Variants in ANKRD62 observed in about 807,000 individuals in gnomAD.
The protein encoded by ANKRD62 is ankyrin repeat domain-containing protein 62.
In ANKRD62, 61 loss-of-function variants were observed where a neutral mutation model predicts 98.8. The ratio of observed to expected loss-of-function variants is 0.62; its 90% CI spans 0.50 to 0.76. ANKRD62 has a LOEUF of 0.76. Ranked by LOEUF, ANKRD62 falls within the 30% of genes least tolerant of loss-of-function variation. The pLI is 0.00. For synonymous variants in ANKRD62, 341 were observed against 367.9 expected (o/e 0.93, Z 0.84); for missense variants, 933 against 1,082.9 (o/e 0.86, Z 1.94).
At chr18:12,159,408 A>T in the ANKRD62 span, among the ~76,000 whole-genome samples, 1 of 152,228 alleles carries the variant, frequency 6.6e-6, no homozygotes, top group Non-Finnish European at 1.5e-5. Context: ...TAACAAATTG[A>T]CATGCATTAG....
At position 12,125,900 on chromosome 18, in the gene ANKRD62, A is replaced by G. The variant is rs536025249; in HGVS notation, c.2079A>G (p.Glu693=). 22 of 1,541,678 alleles carry G rather than the reference A, an allele frequency of 1.4e-5. No homozygotes were observed. In the South Asian group the frequency reaches 2.5e-4, roughly 18 times the overall value. The change falls in exon 13 of 14, where the codon GAA becomes GAG. Residue 693 remains glutamate (E), a synonymous_variant. Transcript: ENST00000587848. ...STVNEWCHLQ[E]DTNSHIQILS... is the part of the protein sequence containing the mutation. ...TGAATGAATGGTGTCATTTACAAGA[A>G]GACACTAATTCTCACATTCAGATTC...
chr18:12,152,548 A>G, the ANKRD62 span, among the ~76,000 whole-genome samples: 1 of 152,186 alleles, frequency 6.6e-6, no homozygotes, highest in South Asian at 2.1e-4. Flanking sequence ...CATGTTAAAA[A>G]CTCTCAATGA....
intron 10 of ANKRD62, among the ~76,000 whole-genome samples, chr18:12,120,232 G>A (rs764589524): frequency 1.3e-5 from 2 of 152,084 alleles, no homozygotes; most frequent in Non-Finnish European, 2.9e-5. Flanking sequence ...TGAGTAAAGG[G>A]TATTGAAACT....
intron 8 of ANKRD62, among the ~76,000 whole-genome samples, chr18:12,111,422 C>G (rs1325005505): frequency 6.6e-6 from 1 of 152,048 alleles, no homozygotes; most frequent in Non-Finnish European, 1.5e-5. Context: ...ATAATAAGAG[C>G]CGTATATGAC....
At chr18:12,123,934 CAG>C (rs1909834282) in intron 11 of ANKRD62, among the ~76,000 whole-genome samples, 1 of 152,104 alleles carries the variant, frequency 6.6e-6, no homozygotes, top group Non-Finnish European at 1.5e-5. Context: ...TTACTAGTAA[CAG>C]AAGCTAATCA....
the ANKRD62 span, among the ~76,000 whole-genome samples, chr18:12,156,075 C>T: frequency 1.3e-5 from 2 of 151,388 alleles, no homozygotes; most frequent in African/African-American, 4.9e-5. Context: ...CTCTCTCTCT[C>T]CTTCCCCCCT....
intron 8 of ANKRD62, among the ~76,000 whole-genome samples, chr18:12,111,723 T>G (rs1455096981): frequency 6.6e-6 from 1 of 152,028 alleles, no homozygotes. Flanking sequence ...GGATACAAAA[T>G]CAATGTGCAA....
chr18:12,140,884 C>T, the ANKRD62 span, among the ~76,000 whole-genome samples: 4 of 152,204 alleles, frequency 2.6e-5, no homozygotes, highest in African/African-American at 7.2e-5. Flanking sequence ...TCAAAGCTGC[C>T]AGACAGGGAC....
At chr18:12,122,664 A>G (rs1199633331) in intron 11 of ANKRD62, 148 bp downstream of exon 11, 20 of 658,890 alleles carry the variant, frequency 3.0e-5, no homozygotes, top group African/African-American at 3.6e-5. Flanking sequence ...TGGATAAAAA[A>G]TCACAAGTTA....
At chr18:12,114,821 C>A (rs1281786964) in intron 8 of ANKRD62, among the ~76,000 whole-genome samples, 1 of 151,266 alleles carries the variant, frequency 6.6e-6, no homozygotes, top group Admixed American at 6.6e-5. Context: ...TTTTTTCTGT[C>A]TTTGATGATC....
At chr18:12,170,192 T>G in the ANKRD62 span, among the ~76,000 whole-genome samples, 1 of 152,238 alleles carries the variant, frequency 6.6e-6, no homozygotes, top group Non-Finnish European at 1.5e-5. Context: ...TGTTTGTTCT[T>G]GCTTCTCTAG....
chr18:12,163,526 C>T, the ANKRD62 span, among the ~76,000 whole-genome samples: 1 of 152,060 alleles, frequency 6.6e-6, no homozygotes, highest in East Asian at 1.9e-4. Flanking sequence ...ATTGTTCTAG[C>T]GAGAACTTCC....
intron 10 of ANKRD62, among the ~76,000 whole-genome samples, chr18:12,116,185 A>G (rs536733373): frequency 1.3e-5 from 2 of 152,276 alleles, no homozygotes; most frequent in Admixed American, 1.3e-4. Context: ...TGTCACCATA[A>G]TCAAGATAGT....
chr18:12,161,760 A>G, the ANKRD62 span, among the ~76,000 whole-genome samples: 2 of 152,114 alleles, frequency 1.3e-5, no homozygotes, highest in Non-Finnish European at 2.9e-5. Context: ...AGATCCCACA[A>G]ATAAGTGAGA....
chr18:12,169,925 T>C, the ANKRD62 span, among the ~76,000 whole-genome samples: 1 of 152,208 alleles, frequency 6.6e-6, no homozygotes, highest in African/African-American at 2.4e-5. Flanking sequence ...ATAGAGGTGT[T>C]TATAGTATTC....
chr18:12,177,699 A>C, the ANKRD62 span, among the ~76,000 whole-genome samples: 2 of 151,636 alleles, frequency 1.3e-5, no homozygotes, highest in Non-Finnish European at 2.9e-5. Flanking sequence ...ACCAAAATGT[A>C]TTGAGTTCAT....
chr18:12,141,089 A>T, the ANKRD62 span, among the ~76,000 whole-genome samples: 1 of 152,150 alleles, frequency 6.6e-6, no homozygotes, highest in African/African-American at 2.4e-5. Context: ...GCCGCCTTGC[A>T]GTTTGATCTC....
At chr18:12,138,796 A>G in the ANKRD62 span, among the ~76,000 whole-genome samples, 1 of 152,110 alleles carries the variant, frequency 6.6e-6, no homozygotes, top group Non-Finnish European at 1.5e-5. Context: ...ACCATTATGT[A>G]ATGGCCATCT....
chr18:12,102,259 C>A (rs547742963), intron 6 of ANKRD62: 2 of 763,664 alleles, frequency 2.6e-6, no homozygotes, highest in East Asian at 2.5e-5. Context: ...AAAACACTGA[C>A]GACCCTCTCA....
Sources: allele counts gnomAD v4.1 joint callset (sites outside exome capture counted in the v4.1 genomes callset), GRCh38; gene constraint gnomAD v4.1.1; transcripts MANE v1.5; gene names NCBI Gene and HGNC (gene_info 2026-07-23, HGNC 2026-07-21).